The following SH3YL1 variants were observed in gnomAD, a reference collection of about 807,000 sequenced individuals.
The protein encoded by SH3YL1 is SH3 and SYLF domain containing 1.
A neutral mutation model predicts 45.8 loss-of-function variants in SH3YL1; 41 were observed. The ratio of observed to expected loss-of-function variants is 0.89; its 90% CI spans 0.70 to 1.16. SH3YL1 has a LOEUF of 1.16. Ranked by LOEUF, SH3YL1 falls within the 50% of genes most tolerant of loss-of-function variation. The probability of loss-of-function intolerance (pLI) is 0.00; values close to 1 mark genes in which losing one functional copy is unlikely to be tolerated. For synonymous variants in SH3YL1, 152 were observed against 151.4 expected (o/e 1.00, Z -0.03); for missense variants, 389 against 409.6 (o/e 0.95, Z 0.43).
chr2:249,711 G>T lies in SH3YL1; in HGVS notation c.226+20C>A. The T allele has an allele frequency of 6.6e-7, 1 of 1,511,286 alleles. No individual in the cohort carries two copies. The allele number at this position is 1,511,286 out of a possible 1,614,324, so 93.6% of individuals were successfully genotyped here. On this transcript the variant is annotated intron_variant, in intron 3 of 9. Transcript: ENST00000356150. ...CAAAGAATGAAGACTCTCTACTCCAGTGAACAGACGCCAACTTACTTCCAT... is the reference window on the plus strand; with the variant it reads ...CAAAGAATGAAGACTCTCTACTCCATTGAACAGACGCCAACTTACTTCCAT...
Position 234,092 on chromosome 2 carries a change from C to T in SH3YL1, c.404+68G>A, listed in dbSNP as rs1668176375. The T allele has an allele frequency of 2.6e-6, 3 of 1,145,784 alleles. No homozygotes were observed. The South Asian group carries it at 4.1e-5, about 16-fold the overall frequency. 71.0% of individuals were successfully genotyped at this position (1,145,784 alleles called of 1,614,324 possible). On this transcript the variant is annotated intron_variant, in intron 5 of 9. Transcript: ENST00000356150. The stretch of plus-strand genomic sequence containing the variant: ...ATCTGTTCATTTTAATTCAAGTTTC[C>T]TATTAATGCAAAATAAAATATGCAG...
chr2:226,021 G>C (rs958665536), intron 8 of SH3YL1, among the ~76,000 whole-genome samples: 2 of 152,096 alleles, frequency 1.3e-5, no homozygotes, highest in African/African-American at 2.4e-5. Flanking sequence ...TTGTATATTG[G>C]GGAGGAGGGG....
Position 264,032 on chromosome 2 carries a change from G to C in SH3YL1, c.-48C>G. On this transcript the variant is annotated 5_prime_UTR_variant, in exon 1 of 10. Transcript: ENST00000356150. ...CCCGTCCCGAGGCTGCCCAGGAAGA[G>C]GAAGGCGCGCTGCCCCGCCCCGCGG... is the stretch of plus-strand genomic sequence containing the variant. The C allele has an allele frequency of 6.5e-6, 9 of 1,389,152 alleles. No homozygotes were observed. The highest frequency in any genetic ancestry group is 9.4e-7 in the Non-Finnish European group (1 of 1,064,688). 86.1% of individuals were successfully genotyped at this position (1,389,152 alleles called of 1,614,324 possible).
chr2:246,757 C>T (rs1558247133), intron 4 of SH3YL1, among the ~76,000 whole-genome samples: 1 of 151,940 alleles, frequency 6.6e-6, no homozygotes, highest in Non-Finnish European at 1.5e-5. Flanking sequence ...AAAATATGTT[C>T]CTTTTATACT....
At chr2:254,481 C>T (rs960034642) in intron 1 of SH3YL1, among the ~76,000 whole-genome samples, 25 of 152,176 alleles carry the variant, frequency 1.6e-4, no homozygotes, top group African/African-American at 4.3e-4. Flanking sequence ...GAGGCACATG[C>T]GTGACTGACT....
chr2:218,967 C>T lies in SH3YL1; in HGVS notation c.873G>A (p.Leu291=). ...NLNQPIEVTA[L]YSFEGQQPGD... ...CAGGCTGCTGTCCTTCAAATGAATA[C>T]AGCGCTGTCACTTCTATGGGTTGAT... The change falls in exon 10 of 10, where the codon CTG becomes CTA. Residue 291 remains leucine (L), a synonymous_variant. Coordinates refer to ENST00000356150, the MANE Select transcript of SH3YL1 (RefSeq NM_015677.4). The T allele has an allele frequency of 3.1e-6, 5 of 1,613,406 alleles. No individual in the cohort carries two copies. Among genetic ancestry groups the T allele is most frequent in the Non-Finnish European group, 4.2e-6 (5 of 1,179,698 alleles).
chr2:222,974 G>C (rs377590610), intron 9 of SH3YL1: 1 of 152,212 alleles, frequency 6.6e-6, no homozygotes, highest in Non-Finnish European at 1.5e-5. Context: ...AAAAAATTCC[G>C]TAACGTAAAG....
At chr2:236,228 GCCAGGGGAGGCAGCAGCA>G (rs1352243392) in intron 4 of SH3YL1, among the ~76,000 whole-genome samples, 2 of 145,656 alleles carry the variant, frequency 1.4e-5, no homozygotes. Context: ...AGCAGCATGG[GCCAGGGGAGGCAGCAGCA>G]TGGGCCAGGG....
chr2:253,748 T>C (rs760534636), intron 1 of SH3YL1, among the ~76,000 whole-genome samples: 12 of 152,244 alleles, frequency 7.9e-5, no homozygotes, highest in Admixed American at 6.5e-4. Flanking sequence ...GCTTTTACTT[T>C]ATGGACTTGC....
Position 233,121 on chromosome 2 carries a change from T to C in SH3YL1, c.513A>G (p.Glu171=). 6.3e-7 allele frequency: 1 copy of C among 1,583,674 alleles called. No homozygotes were observed. Among genetic ancestry groups the C allele is most frequent in the Admixed American group, 1.8e-5 (1 of 54,964 alleles). The change falls in exon 6 of 10, where the codon GAA becomes GAG. Residue 171 remains glutamate (E), a synonymous_variant. Transcript: ENST00000356150. The stretch of plus-strand genomic sequence containing the variant: ...CTGACTTTCTATTAGTTTCTTTCCT[T>C]TCAATCAAACAGCTCCCTTCTAAAG... ...GVSLEGSCLI[E]RKETNRKFYC... is the part of the protein sequence containing the mutation.
intron 4 of SH3YL1, among the ~76,000 whole-genome samples, chr2:242,413 G>C (rs553588750): frequency 1.3e-5 from 2 of 151,998 alleles, no homozygotes; most frequent in East Asian, 3.9e-4. Context: ...CCATATGAGA[G>C]TAATGTTTTT....
chr2:264,042 C>A, upstream of SH3YL1: 1 of 1,365,394 alleles, frequency 7.3e-7, no homozygotes, highest in Non-Finnish European at 9.5e-7. Context: ...GGAAGGCGCG[C>A]TGCCCCGCCC....
At chr2:253,532 G>C (rs747490386) in intron 1 of SH3YL1, among the ~76,000 whole-genome samples, 2 of 152,172 alleles carry the variant, frequency 1.3e-5, no homozygotes, top group Non-Finnish European at 2.9e-5. Flanking sequence ...GGCAACATCA[G>C]GAAGTTACCC....
intron 9 of SH3YL1, among the ~76,000 whole-genome samples, chr2:221,321 A>G (rs1667564632): frequency 6.6e-6 from 1 of 152,198 alleles, no homozygotes; most frequent in Admixed American, 6.5e-5. Flanking sequence ...CTGTACAAAT[A>G]ACAGCATCTG....
rs1667438300 is a variant in SH3YL1, at chr2:218,421, ATTTC to A, written c.*386_*389del. The A allele has an allele frequency of 6.2e-6, 1 of 161,962 alleles. No individual in the cohort carries two copies. Among genetic ancestry groups the A allele is most frequent in the Non-Finnish European group, 1.3e-5 (1 of 75,054 alleles). The allele number at this position is 161,962 out of a possible 1,614,324, so 10.0% of individuals were successfully genotyped here. ...ATTACTTAATACCTCATTTAAGCTG[ATTTC>A]TTTTTCTCTAGTCACTTTGCAAATG... On this transcript the variant is annotated 3_prime_UTR_variant, in exon 10 of 10. Coordinates refer to ENST00000356150, the MANE Select transcript of SH3YL1 (RefSeq NM_015677.4).
intron 1 of SH3YL1, among the ~76,000 whole-genome samples, chr2:253,783 C>G (rs1411603349): frequency 6.6e-6 from 1 of 152,162 alleles, no homozygotes; most frequent in Non-Finnish European, 1.5e-5. Flanking sequence ...AGCACCAGGT[C>G]CAAGAACCCT....
intron 1 of SH3YL1, chr2:256,095 G>C: frequency 6.6e-6 from 1 of 152,222 alleles, no homozygotes; most frequent in East Asian, 1.9e-4. Context: ...CCCAGCCCCT[G>C]CCTCAGGTTA....
chr2:250,569 A>G (rs1237878620), intron 2 of SH3YL1, among the ~76,000 whole-genome samples: 2 of 152,218 alleles, frequency 1.3e-5, no homozygotes, highest in African/African-American at 2.4e-5. Flanking sequence ...TTACGACACA[A>G]TAACACCTCA....
rs7595075 is a variant in SH3YL1 at position 264,019 on chromosome 2, C to A, written c.-35G>T. 0.33 allele frequency: 465,798 copies of A among 1,420,376 alleles called. 78,256 individuals carry two copies. Among genetic ancestry groups the A allele is most frequent in the Non-Finnish European group, 0.34 (372,237 of 1,079,862 alleles). The allele number at this position is 1,420,376 out of a possible 1,614,324, so 88.0% of individuals were successfully genotyped here. On this transcript the variant is annotated 5_prime_UTR_variant, in exon 1 of 10. Transcript: ENST00000356150. ...CCGGCCGCGGCGCCCCGTCCCGAGG[C>A]TGCCCAGGAAGAGGAAGGCGCGCTG...
Sources: allele counts gnomAD v4.1 joint callset (sites outside exome capture counted in the v4.1 genomes callset), GRCh38; gene constraint gnomAD v4.1.1; transcripts MANE v1.5; gene names NCBI Gene and HGNC (gene_info 2026-07-23, HGNC 2026-07-21).